PVT1: variants seen among roughly 807,000 people sequenced by gnomAD.
PVT1 encodes the protein CXCR4/PVT1 fusion.
chr8:127,819,209 G>A (rs998447294), intron 2 of PVT1, among the ~76,000 whole-genome samples: 3 of 152,180 alleles, frequency 2.0e-5, no homozygotes, highest in Admixed American at 6.5e-5. Context: ...CATAGTACAC[G>A]TTACTTTGGT....
intron 4 of PVT1, among the ~76,000 whole-genome samples, chr8:128,033,484 G>C (rs1175464747): frequency 1.3e-5 from 2 of 152,240 alleles, no homozygotes; most frequent in South Asian, 2.1e-4. Context: ...TCCGCAGGTT[G>C]CTATCGCCAC....
intron 4 of PVT1, among the ~76,000 whole-genome samples, chr8:128,065,397 G>A (rs1430383251): frequency 1.3e-5 from 2 of 152,088 alleles, no homozygotes; most frequent in Non-Finnish European, 2.9e-5. Context: ...TGTTGGCCAG[G>A]CTGGTCTTGA....
At chr8:128,002,380 A>G (rs1347168267) in intron 4 of PVT1, among the ~76,000 whole-genome samples, 1 of 152,190 alleles carries the variant, frequency 6.6e-6, no homozygotes, top group African/African-American at 2.4e-5. Flanking sequence ...ATTCAGTAGG[A>G]TGTGCAGATT....
At chr8:127,829,256 A>G (rs1218754997) in intron 2 of PVT1, among the ~76,000 whole-genome samples, 1 of 152,192 alleles carries the variant, frequency 6.6e-6, no homozygotes, top group Non-Finnish European at 1.5e-5. Flanking sequence ...CAGCCTGGGC[A>G]ATAAGAGTGA....
chr8:128,074,824 A>G (rs147195326), intron 5 of PVT1, among the ~76,000 whole-genome samples: 114 of 152,346 alleles, frequency 7.5e-4, no homozygotes, highest in African/African-American at 2.5e-3. Flanking sequence ...GTGTGCAACC[A>G]TCTTCCTCTC....
chr8:128,044,316 C>A (rs114674047), intron 4 of PVT1, among the ~76,000 whole-genome samples: 5,647 of 152,082 alleles, frequency 0.037, 123 homozygotes, highest in South Asian at 0.077. Flanking sequence ...CAGTCTGACA[C>A]CCCCAACCCC....
intron 2 of PVT1, among the ~76,000 whole-genome samples, chr8:127,888,219 C>T (rs1436938461): frequency 2.0e-5 from 3 of 152,138 alleles, no homozygotes; most frequent in Non-Finnish European, 4.4e-5. Flanking sequence ...GGATTACAGG[C>T]GTGAGCCACC....
intron 2 of PVT1, among the ~76,000 whole-genome samples, chr8:127,827,789 G>A (rs777828738): frequency 6.6e-6 from 1 of 152,066 alleles, no homozygotes; most frequent in African/African-American, 2.4e-5. Flanking sequence ...ATCTTGCTGG[G>A]TGGCTTCAGC....
intron 4 of PVT1, among the ~76,000 whole-genome samples, chr8:128,046,253 C>T (rs1813610644): frequency 6.6e-6 from 1 of 152,234 alleles, no homozygotes; most frequent in African/African-American, 2.4e-5. Context: ...GTGCCAGACA[C>T]TGTCCTAAGC....
At chr8:127,937,613 AC>A (rs1816294852) in intron 3 of PVT1, among the ~76,000 whole-genome samples, 1 of 150,792 alleles carries the variant, frequency 6.6e-6, no homozygotes. Context: ...AGAGAGACCA[AC>A]GTGGCCTCTC....
intron 2 of PVT1, among the ~76,000 whole-genome samples, chr8:127,819,945 T>C (rs1814711297): frequency 6.6e-6 from 1 of 152,208 alleles, no homozygotes; most frequent in Non-Finnish European, 1.5e-5. Context: ...TCAAGGATCA[T>C]CCGCATTCTT....
At chr8:128,030,685 C>A (rs1296042478) in intron 4 of PVT1, among the ~76,000 whole-genome samples, 1 of 152,218 alleles carries the variant, frequency 6.6e-6, no homozygotes, top group Non-Finnish European at 1.5e-5. Context: ...GTCATCTCCC[C>A]AGCATCTGCC....
At chr8:127,937,882 G>A (rs1816299045) in intron 3 of PVT1, among the ~76,000 whole-genome samples, 3 of 152,220 alleles carry the variant, frequency 2.0e-5, no homozygotes, top group South Asian at 4.2e-4. Context: ...GTCTCACTGC[G>A]AAAGTAACAG....
Position 127,984,879 on chromosome 8 carries a change from T to TTCTTTCTTTCTTTC in PVT1, n.783-4281_783-4268dup, listed in dbSNP as rs1816932655. Reference sequence around the variant, plus strand: ...TTTCTTTCTTTCTTTCTTTCTTTCTTTCTTTCTTTCTTTCTTTCTTTCTTT... The same window carrying TTCTTTCTTTCTTTC: ...TTTCTTTCTTTCTTTCTTTCTTTCTTTCTTTCTTTCTTTCTCTTTCTTTCTTTCTTTCTTTCTTT... On this transcript the variant is annotated intron_variant and non_coding_transcript_variant, in intron 3 of 10. Transcript: ENST00000651587. Among the ~76,000 whole-genome samples the TTCTTTCTTTCTTTC allele has an allele frequency of 4.5e-5, 4 of 87,990 alleles. No individual in the cohort carries two copies. The East Asian group carries it at 1.1e-3, about 23-fold the overall frequency. 57.7% of individuals were successfully genotyped at this position (87,990 alleles called of 152,430 possible). A position where few individuals can be genotyped will look rare whatever the true frequency, so the allele number is the denominator to read the frequency against.
intron 2 of PVT1, among the ~76,000 whole-genome samples, chr8:127,867,486 A>G (rs1257165463): frequency 1.3e-5 from 2 of 152,132 alleles, no homozygotes; most frequent in Non-Finnish European, 2.9e-5. Context: ...AATAACAATG[A>G]GCGATGCTTC....
intron 5 of PVT1, among the ~76,000 whole-genome samples, chr8:128,073,701 C>T (rs138829990): frequency 0.019 from 2,944 of 152,274 alleles, 50 homozygotes; most frequent in South Asian, 0.047. Flanking sequence ...CCTCCTCACA[C>T]AGGCAGTTGC....
At chr8:128,021,781 C>T (rs1413422251) in intron 4 of PVT1, among the ~76,000 whole-genome samples, 1 of 152,152 alleles carries the variant, frequency 6.6e-6, no homozygotes, top group Non-Finnish European at 1.5e-5. Context: ...AGGCAATATG[C>T]CTAATATGGC....
chr8:127,863,456 A>G (rs578230545), intron 2 of PVT1, among the ~76,000 whole-genome samples: 1 of 152,058 alleles, frequency 6.6e-6, no homozygotes, highest in Non-Finnish European at 1.5e-5. Context: ...TTGCCAAGGA[A>G]CTTCTCTCTT....
intron 2 of PVT1, among the ~76,000 whole-genome samples, chr8:127,800,986 G>A (rs903600798): frequency 2.0e-5 from 3 of 152,166 alleles, no homozygotes; most frequent in Non-Finnish European, 2.9e-5. Flanking sequence ...AGGAGCTGAC[G>A]TTAACCTCCA....
Sources: gnomAD v4.1 joint callset for allele counts (sites outside exome capture counted in the v4.1 genomes callset) on GRCh38, gnomAD v4.1.1 for gene constraint, MANE v1.5 for transcripts, NCBI Gene and HGNC (gene_info 2026-07-23, HGNC 2026-07-21) for gene names.